RHBDD1: variants seen among roughly 807,000 people sequenced by gnomAD.
RHBDD1 encodes the protein rhomboid domain containing 1.
A neutral mutation model predicts 36.3 loss-of-function variants in RHBDD1; 38 were observed. That is an observed-to-expected ratio of 1.05 (90% CI 0.81 to 1.37). The LOEUF (loss-of-function observed/expected upper bound fraction) is 1.37. RHBDD1 is among the 40% of genes most tolerant of loss of function. The pLI is 0.00. For missense variants in RHBDD1, 393 were observed against 377.6 expected (o/e 1.04, Z -0.34); for synonymous variants, 151 against 136.5 (o/e 1.11, Z -0.74).
At chr2:226,946,581 C>T (rs190493766) in intron 8 of RHBDD1, among the ~76,000 whole-genome samples, 133 of 152,024 alleles carry the variant, frequency 8.7e-4, no homozygotes, top group Middle Eastern at 3.4e-3. Flanking sequence ...ATTAACAAAA[C>T]GGACCACTAG....
upstream of RHBDD1, chr2:226,835,868 T>A (rs371741838): frequency 6.6e-6 from 1 of 152,588 alleles, no homozygotes; most frequent in South Asian, 2.1e-4. Context: ...TGCCCCGCTG[T>A]GCCCTCGCGG....
intron 5 of RHBDD1, among the ~76,000 whole-genome samples, chr2:226,890,701 C>T (rs562769973): frequency 6.6e-6 from 1 of 152,210 alleles, no homozygotes; most frequent in Admixed American, 6.5e-5. Flanking sequence ...TTTTAAAATG[C>T]TTGGATGAAT....
chr2:226,880,043 AAC>A (rs1398856557), intron 5 of RHBDD1, among the ~76,000 whole-genome samples: 4 of 152,290 alleles, frequency 2.6e-5, no homozygotes, highest in African/African-American at 7.2e-5. Context: ...TGTGTGTATA[AAC>A]ACACATTTGT....
chr2:226,983,140 A>C (rs971806028), intron 8 of RHBDD1, among the ~76,000 whole-genome samples: 5 of 152,154 alleles, frequency 3.3e-5, no homozygotes, highest in African/African-American at 1.2e-4. Flanking sequence ...AGTTTCTCAA[A>C]GTGGGGCATG....
chr2:226,907,857 G>A (rs778944924), intron 6 of RHBDD1, among the ~76,000 whole-genome samples: 2 of 152,108 alleles, frequency 1.3e-5, no homozygotes, highest in Non-Finnish European at 2.9e-5. Context: ...TATTGAAAAT[G>A]TCCAGTTTTA....
intron 3 of RHBDD1, among the ~76,000 whole-genome samples, chr2:226,844,282 C>T (rs374259920): frequency 3.8e-4 from 58 of 152,080 alleles, no homozygotes; most frequent in African/African-American, 1.2e-3. Context: ...AGCTGCCCCC[C>T]GCCCCCCGGC....
intron 8 of RHBDD1, among the ~76,000 whole-genome samples, chr2:226,950,837 C>T (rs1458992768): frequency 1.3e-5 from 2 of 152,020 alleles, no homozygotes; most frequent in Non-Finnish European, 1.5e-5. Flanking sequence ...GTTTTCTTGC[C>T]TTTGAGTTGA....
intron 3 of RHBDD1, among the ~76,000 whole-genome samples, chr2:226,863,603 A>G (rs1384953549): frequency 6.6e-6 from 1 of 152,160 alleles, no homozygotes; most frequent in African/African-American, 2.4e-5. Flanking sequence ...GTAGTAGCTG[A>G]CCAGTGGCAA....
At chr2:226,995,167 TGGAA>T (rs1395512479) in intron 8 of RHBDD1, among the ~76,000 whole-genome samples, 2 of 151,716 alleles carry the variant, frequency 1.3e-5, no homozygotes, top group Admixed American at 6.6e-5. Flanking sequence ...TGGAGCACGA[TGGAA>T]GGAAAAATAC....
At chr2:226,945,474 G>A (rs1009955302) in intron 8 of RHBDD1, among the ~76,000 whole-genome samples, 1 of 152,050 alleles carries the variant, frequency 6.6e-6, no homozygotes, top group Non-Finnish European at 1.5e-5. Context: ...CCATGTCCCT[G>A]CAACAGACAT....
rs559722301 is a variant in RHBDD1 at position 226,857,235 on chromosome 2, A to G, written c.-90-7369A>G. Among the ~76,000 whole-genome samples, 158 of 152,314 alleles carry G rather than the reference A, an allele frequency of 1.0e-3. 2 individuals carry two copies. The highest frequency in any genetic ancestry group is 4.7e-4 in the Non-Finnish European group (32 of 68,016). On this transcript the variant is annotated intron_variant, in intron 3 of 8. Transcript: ENST00000392062. ...ATGAGTCGTTAGAGGAATGAAAATC[A>G]GTATTACTTCACATCCACCAGGATG...
chr2:226,951,244 TAC>T (rs1162847440), intron 8 of RHBDD1, among the ~76,000 whole-genome samples: 1 of 152,156 alleles, frequency 6.6e-6, no homozygotes, highest in East Asian at 1.9e-4. Flanking sequence ...TATCTCCAAA[TAC>T]AGTCTCTTTC....
At chr2:226,867,071 C>A in intron 4 of RHBDD1, 115 bp from the exon 5 acceptor site, 3 of 1,072,958 alleles carry the variant, frequency 2.8e-6, no homozygotes, top group South Asian at 3.2e-5. Flanking sequence ...TGTTTTAAAG[C>A]ACAAAGTTGG....
At chr2:226,949,236 A>C (rs1951243483) in intron 8 of RHBDD1, among the ~76,000 whole-genome samples, 1 of 152,242 alleles carries the variant, frequency 6.6e-6, no homozygotes, top group Admixed American at 6.5e-5. Context: ...ACTCCCATCA[A>C]GCTACCATTG....
At chr2:226,876,813 A>G (rs1227031538) in intron 5 of RHBDD1, among the ~76,000 whole-genome samples, 1 of 150,544 alleles carries the variant, frequency 6.6e-6, no homozygotes, top group Non-Finnish European at 1.5e-5. Flanking sequence ...CATTCATAAC[A>G]TAATTTATCA....
At chr2:226,921,756 A>G (rs1399078041) in intron 8 of RHBDD1, among the ~76,000 whole-genome samples, 1 of 152,142 alleles carries the variant, frequency 6.6e-6, no homozygotes, top group Non-Finnish European at 1.5e-5. Flanking sequence ...GGCCTAACAT[A>G]TAGTCTATCC....
At chr2:226,865,817 G>A (rs1944277772) in intron 4 of RHBDD1, among the ~76,000 whole-genome samples, 1 of 152,160 alleles carries the variant, frequency 6.6e-6, no homozygotes, top group Non-Finnish European at 1.5e-5. Flanking sequence ...CAGGGTGTTG[G>A]ATTTCCAGCA....
At chr2:226,966,250 C>T (rs1952620611) in intron 8 of RHBDD1, among the ~76,000 whole-genome samples, 2 of 152,134 alleles carry the variant, frequency 1.3e-5, no homozygotes, top group Non-Finnish European at 2.9e-5. Flanking sequence ...AGGTCAATCA[C>T]AAGAAATGCC....
intron 5 of RHBDD1, among the ~76,000 whole-genome samples, chr2:226,899,662 G>T (rs1434126734): frequency 6.6e-6 from 1 of 152,164 alleles, no homozygotes; most frequent in Non-Finnish European, 1.5e-5. Context: ...TGCCTACAGA[G>T]GAATGACTTT....
Sources: allele counts gnomAD v4.1 joint callset (sites outside exome capture counted in the v4.1 genomes callset), GRCh38; gene constraint gnomAD v4.1.1; transcripts MANE v1.5; gene names NCBI Gene and HGNC (gene_info 2026-07-23, HGNC 2026-07-21).